Variants in PARP14 observed in about 807,000 individuals in gnomAD.
PARP14 encodes protein mono-ADP-ribosyltransferase PARP14.
A neutral mutation model predicts 154.2 loss-of-function variants in PARP14; 59 were observed. The ratio of observed to expected loss-of-function variants is 0.38; its 90% CI spans 0.31 to 0.48. The LOEUF (loss-of-function observed/expected upper bound fraction) is 0.48. PARP14 is among the 20% of genes least tolerant of loss of function. PARP14 has a pLI of 0.98. For missense variants in PARP14, 1,734 were observed against 2,131.6 expected (o/e 0.81, Z 3.67); for synonymous variants, 720 against 780.5 (o/e 0.92, Z 1.29).
Position 122,714,384 on chromosome 3 carries a change from GAA to G in PARP14, c.3964_3965del (p.Asn1322LeufsTer20). On this transcript the variant is annotated frameshift_variant, in exon 12 of 17. Transcript: ENST00000474629. LOFTEE classifies it high-confidence loss of function. Reference sequence around the variant, plus strand: ...AGTTTCCTCTGTTTTGCAGGAGTGTGAAAAAAAAAATTACTCATCCATTTGCC... The same window carrying G: ...AGTTTCCTCTGTTTTGCAGGAGTGTGAAAAAAAATTACTCATCCATTTGCC... ...SSVSSVLQECEKKNYSSICLP... is the reference protein window; with the variant it reads ...SSVSSVLQECXKKNYSSICLP... 1.3e-6 allele frequency: 2 copies of G among 1,506,378 alleles called. No individual in the cohort carries two copies. Among genetic ancestry groups the G allele is most frequent in the East Asian group, 2.4e-5 (1 of 42,308 alleles). 93.3% of individuals were successfully genotyped at this position (1,506,378 alleles called of 1,614,324 possible).
chr3:122,713,429 T>C lies in PARP14; in HGVS notation c.3625T>C (p.Tyr1209His), dbSNP rs1409698083. The C allele has an allele frequency of 2.5e-6, 4 of 1,607,344 alleles. No individual in the cohort carries two copies. The highest frequency in any genetic ancestry group is 1.7e-4 in the Middle Eastern group (1 of 6,036). The change falls in exon 10 of 17, where the codon TAT becomes CAT. Residue 1209 changes from tyrosine to histidine, a missense_variant. Tyr to His is a moderately conservative substitution (Grantham distance 83). This residue lies in a region of PARP14 where 1,646 missense variants were observed against 1,976.0 expected (regional missense o/e 0.83). Transcript: ENST00000474629. ...IPKAKDTQGF[Y>H]GTVSSPDSGV... ...TTTACTTCTTTTCTTTTCAGGTTTT[T>C]ATGGGACTGTTTCTAGCCCTGATTC... is the stretch of plus-strand genomic sequence containing the variant.
rs561380358 is a variant in PARP14 at position 122,728,368 on chromosome 3, C to G, written c.5177C>G (p.Thr1726Arg). Residue 1726 changes from threonine to arginine, a missense_variant, in exon 17 of 17, where the codon ACG (threonine) becomes AGG (arginine). Coordinates refer to ENST00000474629, the MANE Select transcript of PARP14 (RefSeq NM_017554.3). ...AATGCCAATTATTCTGCCAATGATA[C>G]GTACTCCAGACCAGATGCAAATGGG... ...AVNANYSAND[T>R]YSRPDANGRK... The G allele has an allele frequency of 1.2e-6, 2 of 1,612,676 alleles. No homozygotes were observed. Among genetic ancestry groups the G allele is most frequent in the Admixed American group, 3.3e-5 (2 of 60,024 alleles).
At chr3:122,683,402 A>G (rs1938276172) in intron 1 of PARP14, 1 of 363,130 alleles carries the variant, frequency 2.8e-6, no homozygotes, top group African/African-American at 2.2e-5. Context: ...TTATTCATGT[A>G]TAGCAAATAG....
intron 12 of PARP14, among the ~76,000 whole-genome samples, chr3:122,716,377 G>C (rs1338821670): frequency 6.6e-6 from 1 of 152,090 alleles, no homozygotes; most frequent in Non-Finnish European, 1.5e-5. Context: ...ATTAGCTTAG[G>C]AATTATTTGA....
At chr3:122,699,041 C>A (rs1414389715) in intron 5 of PARP14, among the ~76,000 whole-genome samples, 1 of 152,176 alleles carries the variant, frequency 6.6e-6, no homozygotes, top group Non-Finnish European at 1.5e-5. Context: ...AACAAGATTT[C>A]AACATAGATG....
intron 5 of PARP14, among the ~76,000 whole-genome samples, chr3:122,696,813 C>CT (rs1938792751): frequency 6.6e-6 from 1 of 152,166 alleles, no homozygotes; most frequent in Admixed American, 6.5e-5. Flanking sequence ...CAAAGGTTCC[C>CT]TTTCTCCCTG....
intron 1 of PARP14, among the ~76,000 whole-genome samples, chr3:122,683,699 CT>C (rs1333688992): frequency 1.3e-5 from 2 of 152,174 alleles, no homozygotes; most frequent in African/African-American, 4.8e-5. Flanking sequence ...CCCAGATTGA[CT>C]TTCTCCTTTT....
At chr3:122,699,354 C>T in intron 5 of PARP14, 36 bp from the exon 6 acceptor site, 1 of 1,346,544 alleles carries the variant, frequency 7.4e-7, no homozygotes, top group Non-Finnish European at 1.0e-6. Context: ...CATATATCAT[C>T]CTGGGCTTAC....
intron 5 of PARP14, among the ~76,000 whole-genome samples, chr3:122,698,933 G>A (rs1938863369): frequency 6.6e-6 from 1 of 152,058 alleles, no homozygotes; most frequent in African/African-American, 2.4e-5. Context: ...TTATACTAGG[G>A]CAAACATTAT....
chr3:122,686,418 G>A (rs1173839530), intron 2 of PARP14, among the ~76,000 whole-genome samples: 3 of 151,604 alleles, frequency 2.0e-5, no homozygotes, highest in African/African-American at 4.9e-5. Flanking sequence ...GCCTCCCAAA[G>A]TGCTGGGATT....
chr3:122,713,896 G>A lies in PARP14; in HGVS notation c.3794G>A (p.Cys1265Tyr). The A allele has an allele frequency of 6.2e-7, 1 of 1,612,790 alleles. No individual in the cohort carries two copies. The highest frequency in any genetic ancestry group is 8.5e-7 in the Non-Finnish European group (1 of 1,178,862). ...GGGGTCTCCAAAGCAATTTTAGAAT[G>A]TGCTGGACAAAATGTAGAAAGGGAA... ...KAGVSKAILECAGQNVERECS... is the reference protein window; with the variant it reads ...KAGVSKAILEYAGQNVERECS... Residue 1265 changes from cysteine to tyrosine, a missense_variant, in exon 11 of 17, where the codon TGT becomes TAT. Physicochemically the swap from Cys to Tyr is radical, Grantham distance 194 (BLOSUM62 -2). Around this residue, in one of 2 missense-constraint regions of PARP14, gnomAD observed 1,646 missense variants for 1,976.0 expected, o/e 0.83. Coordinates refer to ENST00000474629, the MANE Select transcript of PARP14 (RefSeq NM_017554.3).
chr3:122,724,955 AC>A (rs1202265030), intron 15 of PARP14, among the ~76,000 whole-genome samples: 1 of 152,208 alleles, frequency 6.6e-6, no homozygotes, highest in Non-Finnish European at 1.5e-5. Flanking sequence ...TTCAGAGAGC[AC>A]GGGGTTGGGG....
intron 9 of PARP14, 47 bp from the exon 10 acceptor site, chr3:122,713,377 C>G: frequency 6.4e-7 from 1 of 1,555,130 alleles, no homozygotes; most frequent in East Asian, 2.3e-5. Flanking sequence ...CCAAGTCATT[C>G]TTGCTGTGGC....
At chr3:122,684,690 C>T (rs1385071743) in intron 1 of PARP14, among the ~76,000 whole-genome samples, 1 of 152,114 alleles carries the variant, frequency 6.6e-6, no homozygotes, top group Non-Finnish European at 1.5e-5. Flanking sequence ...AACTAGGCTC[C>T]TGCTTACAGC....
rs768211546 is a variant in PARP14 at position 122,728,658 on chromosome 3, G to A, written c.*61G>A. On this transcript the variant is annotated 3_prime_UTR_variant, in exon 17 of 17. Transcript: ENST00000474629. ...TTGTACATATCTAGTTGTAAAACAA[G>A]TTTTAGCTTTTTTTTTTAATTCCTC... is the stretch of plus-strand genomic sequence containing the variant. 1.3e-4 allele frequency: 168 copies of A among 1,337,384 alleles called. No individual in the cohort carries two copies. Among genetic ancestry groups the A allele is most frequent in the Non-Finnish European group, 1.7e-4 (163 of 971,818 alleles). 82.8% of individuals were successfully genotyped at this position (1,337,384 alleles called of 1,614,324 possible).
Position 122,690,122 on chromosome 3 carries a change from C to T in PARP14, c.356-2179C>T, listed in dbSNP as rs989366562. On this transcript the variant is annotated intron_variant, in intron 3 of 16. Transcript: ENST00000474629. Reference sequence around the variant, plus strand: ...GGGACTCTTGGCCTGATTGTTAATGCTCTTTTTTGGTCAATTAAGCCTTTC... The same window carrying T: ...GGGACTCTTGGCCTGATTGTTAATGTTCTTTTTTGGTCAATTAAGCCTTTC... Among the ~76,000 whole-genome samples the T allele has an allele frequency of 3.3e-5, 5 of 152,150 alleles. No individual in the cohort carries two copies. The South Asian group carries it at 8.3e-4, about 25-fold the overall frequency.
At position 122,695,467 on chromosome 3, in the gene PARP14, A is replaced by C; in HGVS notation, c.640A>C (p.Ile214Leu). The change falls in exon 5 of 17, where the codon ATT (isoleucine) becomes CTT (leucine). Residue 214 changes from isoleucine to leucine, a missense_variant. Coordinates refer to ENST00000474629, the MANE Select transcript of PARP14 (RefSeq NM_017554.3). Reference sequence around the variant, plus strand: ...TGATGATTGTACCAAGCACCATTCAATTAAACAACTTCAGCTTTCTCCAAG... The same window carrying C: ...TGATGATTGTACCAAGCACCATTCACTTAAACAACTTCAGCTTTCTCCAAG... ...FVDDCTKHHS[I>L]KQLQLSPRLL... 1 of 1,606,164 alleles carries C rather than the reference A, an allele frequency of 6.2e-7. No homozygotes were observed. The highest frequency in any genetic ancestry group is 8.5e-7 in the Non-Finnish European group (1 of 1,174,760).
At chr3:122,683,341 A>G (rs755968674) in intron 1 of PARP14, 5 of 953,238 alleles carry the variant, frequency 5.2e-6, no homozygotes, top group Non-Finnish European at 6.2e-6. Flanking sequence ...TGATTCATAT[A>G]AACTGTAATA....
At chr3:122,694,670 C>A (rs1318960505) in intron 4 of PARP14, among the ~76,000 whole-genome samples, 1 of 152,126 alleles carries the variant, frequency 6.6e-6, no homozygotes, top group East Asian at 1.9e-4. Flanking sequence ...CAGGCGCGCA[C>A]AACCATGCCT....
Sources: allele counts gnomAD v4.1 joint callset (sites outside exome capture counted in the v4.1 genomes callset), GRCh38; gene constraint gnomAD v4.1.1; regional missense constraint gnomAD v4.1.1; transcripts MANE v1.5; gene names NCBI Gene and HGNC (gene_info 2026-07-23, HGNC 2026-07-21).